The following DOCK4 variants were observed in gnomAD, a reference collection of about 807,000 sequenced individuals.
The protein encoded by DOCK4 is dedicator of cytokinesis 4.
A neutral mutation model predicts 268.1 loss-of-function variants in DOCK4; 97 were observed. That is an observed-to-expected ratio of 0.36 (90% CI 0.31 to 0.43). The LOEUF (loss-of-function observed/expected upper bound fraction) is 0.43, where lower values mean the gene tolerates loss of function less well. Among genes scored for constraint, DOCK4 ranks in the 20% least tolerant of loss-of-function variants. The pLI, the probability that DOCK4 is intolerant of heterozygous loss-of-function variation, is 1.00. For synonymous variants in DOCK4, 954 were observed against 887.2 expected, an observed-to-expected ratio of 1.08 and a Z score of -1.34; for missense variants, 2,145 against 2,455.7, an observed-to-expected ratio of 0.87 and a Z score of 2.67.
chr7:111,755,266 C>T lies in DOCK4; in HGVS notation c.4416+249G>A, dbSNP rs191724349. 8.6e-5 allele frequency among the ~76,000 whole-genome samples: 13 copies of T among 151,456 alleles called. No homozygotes were observed. The East Asian group carries it at 2.3e-3, about 27-fold the overall frequency. ...AATTCCAAGTCTTCTAACTCAAGGGCCTGAATAGTTTTTTTACATGTAGCA... is the reference window on the plus strand; with the variant it reads ...AATTCCAAGTCTTCTAACTCAAGGGTCTGAATAGTTTTTTTACATGTAGCA... On this transcript the variant is annotated intron_variant, in intron 42 of 52. Coordinates refer to ENST00000428084, the MANE Select transcript of DOCK4 (RefSeq NM_001363540.2).
intron 35 of DOCK4, 77 bp downstream of exon 35, chr7:111,782,787 C>A (rs1188420868): frequency 6.9e-7 from 1 of 1,444,824 alleles, no homozygotes; most frequent in Non-Finnish European, 9.7e-7. Flanking sequence ...AGATTAAACA[C>A]AAACAAAACA....
Position 111,741,543 on chromosome 7 carries a change from C to A in DOCK4, c.4916G>T (p.Arg1639Leu). 1 of 1,612,636 alleles carries A rather than the reference C, an allele frequency of 6.2e-7. No individual in the cohort carries two copies. The highest frequency in any genetic ancestry group is 1.1e-5 in the South Asian group (1 of 90,688). Residue 1639 changes from arginine (R) to leucine (L), a missense_variant, in exon 46 of 53, where the codon CGC becomes CTC. Arg to Leu is a moderately radical substitution (Grantham distance 102). This residue lies in a region of DOCK4 where 547 missense variants were observed against 469.0 expected (regional missense o/e 1.17). Coordinates refer to ENST00000428084, the MANE Select transcript of DOCK4 (RefSeq NM_001363540.2). ...GATAATTTGGAATATGACTTACCTG[C>A]GTCTAGGAATTACCCTGGTACCATC... ...SPDGTRVIPRRSPLSYPAVNR... is the reference protein window; with the variant it reads ...SPDGTRVIPRLSPLSYPAVNR...
At chr7:111,739,528 G>T in intron 47 of DOCK4, 51 bp from the exon 48 acceptor site, 7 of 1,417,214 alleles carry the variant, frequency 4.9e-6, no homozygotes, top group South Asian at 2.5e-5. Flanking sequence ...GGCTTCCCAC[G>T]ACACTGACGT....
intron 1 of DOCK4, among the ~76,000 whole-genome samples, chr7:112,035,855 C>A (rs891207066): frequency 6.6e-6 from 1 of 151,938 alleles, no homozygotes; most frequent in South Asian, 2.1e-4. Flanking sequence ...CATTCCTACA[C>A]CAGCAAAAAT....
In DOCK4 at chr7:111,916,025, C is replaced by T. The variant is rs142712101; in HGVS notation, c.1067-121G>A. ...GGTTTTAAACTAAGGGTTAATATTC[C>T]GACGAAATCGACAGAATCTATATGA... On this transcript the variant is annotated intron_variant, in intron 12 of 52. Coordinates refer to ENST00000428084, the MANE Select transcript of DOCK4 (RefSeq NM_001363540.2). 4.9e-4 allele frequency: 490 copies of T among 996,724 alleles called. 5 individuals are homozygous for T. The Middle Eastern group carries it at 0.013, about 26-fold the overall frequency. 61.7% of individuals were successfully genotyped at this position (996,724 alleles called of 1,614,324 possible).
At chr7:111,988,702 G>A (rs1799247086) in intron 6 of DOCK4, among the ~76,000 whole-genome samples, 1 of 152,158 alleles carries the variant, frequency 6.6e-6, no homozygotes, top group Admixed American at 6.6e-5. Flanking sequence ...AAGCCTATTT[G>A]AGAACAAGAT....
intron 28 of DOCK4, among the ~76,000 whole-genome samples, chr7:111,811,293 G>A (rs116942912): frequency 0.024 from 3,664 of 152,158 alleles, 58 homozygotes; most frequent in Non-Finnish European, 0.035. Flanking sequence ...TAAGAAGAAA[G>A]ATGCCCAAAA....
intron 1 of DOCK4, among the ~76,000 whole-genome samples, chr7:112,118,495 T>C (rs1258453906): frequency 1.5e-4 from 23 of 152,130 alleles, no homozygotes; most frequent in Admixed American, 1.5e-3. Flanking sequence ...AAAATAAAAT[T>C]CACATTTCGT....
intron 13 of DOCK4, among the ~76,000 whole-genome samples, chr7:111,908,610 C>T (rs938658758): frequency 2.0e-5 from 3 of 152,014 alleles, no homozygotes; most frequent in Non-Finnish European, 1.5e-5. Flanking sequence ...TATACATGTG[C>T]CATGGTGGTT....
Position 111,727,120 on chromosome 7 carries a change from T to C in DOCK4, c.*1154A>G, listed in dbSNP as rs2133333439. 6.5e-6 allele frequency: 1 copy of C among 152,762 alleles called. No homozygotes were observed. Among genetic ancestry groups the C allele is most frequent in the Non-Finnish European group, 1.5e-5 (1 of 68,022 alleles). The allele number at this position is 152,762 out of a possible 1,614,324, so 9.5% of individuals were successfully genotyped here. A position where few individuals can be genotyped will look rare whatever the true frequency, so the allele number is the denominator to read the frequency against. On this transcript the variant is annotated 3_prime_UTR_variant, in exon 53 of 53. Transcript: ENST00000428084. ...ACATACAAGGTGCTTTTTTCACACTTCTACAACTGGCATTAGCATCCCTAT... is the reference window on the plus strand; with the variant it reads ...ACATACAAGGTGCTTTTTTCACACTCCTACAACTGGCATTAGCATCCCTAT...
chr7:112,188,116 AGG>A (rs1459172385), intron 1 of DOCK4, among the ~76,000 whole-genome samples: 2 of 152,244 alleles, frequency 1.3e-5, no homozygotes, highest in Non-Finnish European at 2.9e-5. Flanking sequence ...CAAGTACTAT[AGG>A]GAATTGCCCA....
chr7:111,739,228 G>A lies in DOCK4; in HGVS notation c.5138C>T (p.Ser1713Phe). The change falls in exon 49 of 53, where the codon TCT becomes TTT. Residue 1713 changes from serine to phenylalanine, a missense_variant. This residue lies in a region of DOCK4 where 547 missense variants were observed against 469.0 expected (regional missense o/e 1.17). Transcript: ENST00000428084. ...TTCTCGGGAATGTTTGTGTTTGTCA[G>A]ACAACAAAGGAGAAGCTGGGAAGAG... ...PSSARASPLL[S>F]DKHKHSRENS... 1.9e-6 allele frequency: 3 copies of A among 1,613,948 alleles called. No homozygotes were observed. The highest frequency in any genetic ancestry group is 2.5e-6 in the Non-Finnish European group (3 of 1,179,828).
At chr7:112,109,884 A>C (rs1811484645) in intron 1 of DOCK4, among the ~76,000 whole-genome samples, 2 of 150,540 alleles carry the variant, frequency 1.3e-5, no homozygotes, top group Admixed American at 1.3e-4. Flanking sequence ...AGCTGGGACT[A>C]CAGGCGCCCG....
chr7:112,065,208 TC>T (rs1563049963), intron 1 of DOCK4, among the ~76,000 whole-genome samples: 1 of 151,960 alleles, frequency 6.6e-6, no homozygotes, highest in African/African-American at 2.4e-5. Context: ...CTAACCACAT[TC>T]CAGACTCACT....
intron 4 of DOCK4, among the ~76,000 whole-genome samples, chr7:111,996,201 T>C (rs1356276696): frequency 6.6e-6 from 1 of 152,228 alleles, no homozygotes; most frequent in East Asian, 1.9e-4. Flanking sequence ...CCAACAGTCC[T>C]ACATTGATCT....
At chr7:111,985,519 T>C (rs190695074) in intron 6 of DOCK4, among the ~76,000 whole-genome samples, 16 of 152,302 alleles carry the variant, frequency 1.1e-4, no homozygotes, top group African/African-American at 3.4e-4. Context: ...CAAAATCTCA[T>C]TAAGGTTTCA....
At position 111,954,702 on chromosome 7, in the gene DOCK4, A is replaced by C. The variant is rs571703705; in HGVS notation, c.702-8904T>G. Among the ~76,000 whole-genome samples, 7 of 152,304 alleles carry C rather than the reference A, an allele frequency of 4.6e-5. No homozygotes were observed. In the South Asian group the frequency reaches 1.0e-3, roughly 23 times the overall value. On this transcript the variant is annotated intron_variant, in intron 8 of 52. Coordinates refer to ENST00000428084, the MANE Select transcript of DOCK4 (RefSeq NM_001363540.2). ...TCAGACTGGGACACTTCCTGTTTAC[A>C]GAGGGCTATAAAACCCCTGCCCCGT...
intron 12 of DOCK4, among the ~76,000 whole-genome samples, chr7:111,926,112 G>C (rs1170734578): frequency 7.5e-6 from 1 of 132,996 alleles, no homozygotes; most frequent in Admixed American, 7.6e-5. Context: ...GAGAGAGAGA[G>C]AAAGAGAAAA....
intron 1 of DOCK4, among the ~76,000 whole-genome samples, chr7:112,111,473 T>G (rs567706202): frequency 6.6e-6 from 1 of 152,222 alleles, no homozygotes; most frequent in Non-Finnish European, 1.5e-5. Flanking sequence ...ACTGACATCA[T>G]TTAGCCTATA....
Sources: gnomAD v4.1 joint callset for allele counts (sites outside exome capture counted in the v4.1 genomes callset) on GRCh38, gnomAD v4.1.1 for gene constraint, gnomAD v4.1.1 regional missense constraint, MANE v1.5 for transcripts, NCBI Gene and HGNC (gene_info 2026-07-23, HGNC 2026-07-21) for gene names.